EMC1: variants seen among roughly 807,000 people sequenced by gnomAD.
EMC1 encodes KIAA0090.
EMC1 carries 103 observed loss-of-function variants against 128.8 expected under a neutral mutation model. That is an observed-to-expected ratio of 0.80 (90% CI 0.68 to 0.94). The LOEUF is 0.94. Ranked by LOEUF, EMC1 falls within the 40% of genes least tolerant of loss-of-function variation. EMC1 has a pLI of 0.00. For missense variants in EMC1, 1,083 were observed against 1,250.6 expected (o/e 0.87, Z 2.02); for synonymous variants, 442 against 490.4 (o/e 0.90, Z 1.30).
intron 17 of EMC1, chr1:19,229,288 A>G (rs578206878): frequency 3.3e-5 from 5 of 152,268 alleles, no homozygotes; most frequent in African/African-American, 9.6e-5. Context: ...TAAATTTTTA[A>G]AATAGTGAAA....
At chr1:19,237,273 A>G in intron 11 of EMC1, 35 bp from the exon 12 acceptor site, 4 of 1,519,148 alleles carry the variant, frequency 2.6e-6, no homozygotes, top group Non-Finnish European at 3.7e-6. Flanking sequence ...GTAGTCAGTG[A>G]GGATCCAAAT....
intron 1 of EMC1, among the ~76,000 whole-genome samples, chr1:19,248,222 T>C (rs951630771): frequency 1.1e-4 from 16 of 152,074 alleles, no homozygotes; most frequent in Non-Finnish European, 2.1e-4. Flanking sequence ...TTTTTTGAGA[T>C]GCTCTTACTC....
At chr1:19,220,435 C>T (rs977139799) in intron 21 of EMC1, 2 of 187,820 alleles carry the variant, frequency 1.1e-5, no homozygotes, top group Non-Finnish European at 2.2e-5. Context: ...CAAAATGCAC[C>T]TTCTCAAAGG....
intron 18 of EMC1, among the ~76,000 whole-genome samples, 162 bp downstream of exon 18, chr1:19,227,151 G>A (rs1195599314): frequency 1.3e-5 from 2 of 152,228 alleles, no homozygotes; most frequent in East Asian, 3.8e-4. Flanking sequence ...AGCCCAGGAG[G>A]AGGGTATATT....
chr1:19,219,353 T>C lies in EMC1; in HGVS notation c.2932A>G (p.Ile978Val). Residue 978 changes from isoleucine to valine, a missense_variant, in exon 23 of 23, where the codon ATC becomes GTC. Physicochemically the swap from Ile to Val is conservative, Grantham distance 29. This residue lies in a region of EMC1 where 527 missense variants were observed against 644.1 expected (regional missense o/e 0.82). Coordinates refer to ENST00000477853, the MANE Select transcript of EMC1 (RefSeq NM_015047.3). ...VLFGLVFATM[I>V]TKRLAQVKLL... ...TTCACCTGTGCCAGTCTCTTAGTGA[T>C]CATGGTGGCAAAAACCAGGCCAAAG... 6.2e-7 allele frequency: 1 copy of C among 1,614,120 alleles called. No homozygotes were observed.
At chr1:19,236,574 T>TA (rs2093565665) in intron 12 of EMC1, among the ~76,000 whole-genome samples, 1 of 150,504 alleles carries the variant, frequency 6.6e-6, no homozygotes, top group African/African-American at 2.5e-5. Context: ...GAGAATCACT[T>TA]AAACCTGGGA....
rs2151938056 is a variant in EMC1, at chr1:19,222,646, G to GC, written c.2564dup (p.Ile856HisfsTer20). ...CACTCAGCAGGTGTCGGCTGGTGAT[G>GC]CCCCGTTCGGTGATGGTGGCCTCCA... is the stretch of plus-strand genomic sequence containing the variant. On this transcript the variant is annotated frameshift_variant, in exon 20 of 23. Transcript: ENST00000477853. LOFTEE classifies it high-confidence loss of function. 1.2e-6 allele frequency: 2 copies of GC among 1,613,978 alleles called. No homozygotes were observed. Among genetic ancestry groups the GC allele is most frequent in the Non-Finnish European group, 1.7e-6 (2 of 1,180,006 alleles).
chr1:19,247,552 C>T (rs1376291791), intron 1 of EMC1, among the ~76,000 whole-genome samples: 1 of 152,062 alleles, frequency 6.6e-6, no homozygotes, highest in African/African-American at 2.4e-5. Flanking sequence ...GTAAACAAAC[C>T]CACTGTACTG....
At chr1:19,243,892 C>A in intron 3 of EMC1, 58 bp downstream of exon 3, 1 of 1,582,500 alleles carries the variant, frequency 6.3e-7, no homozygotes, top group Admixed American at 1.7e-5. Flanking sequence ...GATCAAGGAG[C>A]CAAGGAATGG....
chr1:19,251,339 A>G (rs1450769080), intron 1 of EMC1, 76 bp downstream of exon 1: 2 of 1,351,126 alleles, frequency 1.5e-6, no homozygotes, highest in East Asian at 4.7e-5. Context: ...CTGTTAAGTG[A>G]CAACCTTTAG....
chr1:19,237,773 G>A (rs998517566), intron 11 of EMC1, among the ~76,000 whole-genome samples: 1 of 152,204 alleles, frequency 6.6e-6, no homozygotes, highest in African/African-American at 2.4e-5. Flanking sequence ...GAGAGTGTTT[G>A]GAGGGTTAAA....
Sources: allele counts gnomAD v4.1 joint callset (sites outside exome capture counted in the v4.1 genomes callset), GRCh38; gene constraint gnomAD v4.1.1; regional missense constraint gnomAD v4.1.1; transcripts MANE v1.5; gene names NCBI Gene and HGNC (gene_info 2026-07-23, HGNC 2026-07-21).